DAB2IP: variants seen among roughly 807,000 people sequenced by gnomAD.
The protein encoded by DAB2IP is disabled homolog 2-interacting protein.
A neutral mutation model predicts 107.2 loss-of-function variants in DAB2IP; 28 were observed. The ratio of observed to expected loss-of-function variants is 0.26; its 90% confidence interval spans 0.19 to 0.36. The LOEUF is 0.36. Ranked by LOEUF, DAB2IP falls within the 10% of genes least tolerant of loss-of-function variation. DAB2IP has a pLI of 1.00. For synonymous variants in DAB2IP, 755 were observed against 706.4 expected (o/e 1.07, Z -1.09); for missense variants, 1,400 against 1,644.7 (o/e 0.85, Z 2.57).
At chr9:121,592,674 A>G (rs1258234417) in intron 1 of DAB2IP, among the ~76,000 whole-genome samples, 1 of 152,190 alleles carries the variant, frequency 6.6e-6, no homozygotes, top group Non-Finnish European at 1.5e-5. Context: ...ACCATAAGCA[A>G]TTTGCTATCC....
At chr9:121,686,179 G>A (rs1828869162) in intron 2 of DAB2IP, among the ~76,000 whole-genome samples, 2 of 152,190 alleles carry the variant, frequency 1.3e-5, no homozygotes, top group Admixed American at 1.3e-4. Flanking sequence ...TCAGGAGCCT[G>A]TTCCAACCCC....
intron 1 of DAB2IP, among the ~76,000 whole-genome samples, chr9:121,602,722 C>T: frequency 6.6e-6 from 1 of 151,964 alleles, no homozygotes; most frequent in East Asian, 1.9e-4. Flanking sequence ...ACTACAGGCG[C>T]CCGCCACCAC....
intron 2 of DAB2IP, among the ~76,000 whole-genome samples, chr9:121,679,978 A>T (rs1828498068): frequency 1.3e-5 from 2 of 152,202 alleles, no homozygotes; most frequent in Admixed American, 1.3e-4. Context: ...CAGCTCAGAT[A>T]TCAGCTCCTG....
chr9:121,699,503 G>C lies in DAB2IP; in HGVS notation c.362+45G>C. The C allele has an allele frequency of 8.1e-7, 1 of 1,232,290 alleles. No homozygotes were observed. Among genetic ancestry groups the C allele is most frequent in the Non-Finnish European group, 1.0e-6 (1 of 985,514 alleles). The allele number at this position is 1,232,290 out of a possible 1,614,324, so 76.3% of individuals were successfully genotyped here. On this transcript the variant is annotated intron_variant, in intron 3 of 15. Transcript: ENST00000408936. This position sits in a 1 kb window ranked among gnomAD's most constrained non-coding sequence, Gnocchi z 6.2. ...CCGGTCCCCCGCGCCGCCGCCCCGG[G>C]CTGCGCCCCTGAGGACGCGGGGACA...
chr9:121,676,352 C>T (rs184262367), intron 1 of DAB2IP, among the ~76,000 whole-genome samples: 3 of 152,158 alleles, frequency 2.0e-5, no homozygotes, highest in Non-Finnish European at 4.4e-5. Context: ...TGTGTGTGTG[C>T]GCACGTCCCC....
At chr9:121,711,996 T>G (rs1348237921) in intron 3 of DAB2IP, among the ~76,000 whole-genome samples, 1 of 152,226 alleles carries the variant, frequency 6.6e-6, no homozygotes, top group African/African-American at 2.4e-5. Context: ...TTGCACCGTC[T>G]CCTGAATAAT....
intron 2 of DAB2IP, among the ~76,000 whole-genome samples, chr9:121,690,348 T>C (rs1339171696): frequency 6.6e-6 from 1 of 151,948 alleles, no homozygotes; most frequent in Non-Finnish European, 1.5e-5. Context: ...CAGGCGGAGA[T>C]AGTATAGACC....
chr9:121,641,968 CTCTCTT>C lies in DAB2IP; in HGVS notation c.41-36706_41-36701del, dbSNP rs752983218. On this transcript the variant is annotated intron_variant, in intron 1 of 16. Coordinates refer to the DAB2IP transcript ENST00000259371. ...TTCTTTCCTTTCTTTCTTTCTCTCT[CTCTCTT>C]TCTTTCTTTCTTTCTTTCCTTTCTC... 1.8e-3 allele frequency among the ~76,000 whole-genome samples: 187 copies of C among 101,848 alleles called. 4 individuals carry two copies. Among genetic ancestry groups the C allele is most frequent in the East Asian group, 4.1e-3 (12 of 2,950 alleles). The allele number at this position is 101,848 out of a possible 152,430, so 66.8% of individuals were successfully genotyped here.
At position 121,772,832 on chromosome 9, in the gene DAB2IP, C is replaced by T. The variant is rs34301794; in HGVS notation, c.2304C>T (p.Asp768=). Residue 768 remains aspartate (D), a synonymous_variant, in exon 12 of 16, where the codon GAC becomes GAT. Coordinates refer to ENST00000408936, the Ensembl canonical transcript of DAB2IP. This position sits in a 1 kb window ranked among gnomAD's most constrained non-coding sequence, Gnocchi z 4.7. ...AGGCAGGCTCCCCGGCGGGCCCCGA[C>T]GTCCTCCCCACAGATGGGCAGGCCG... The T allele has an allele frequency of 1.3e-3, 2,093 of 1,604,156 alleles. 22 individuals carry two copies. In the African/African-American group the frequency reaches 0.022, roughly 17 times the overall value.
Position 121,776,475 on chromosome 9 carries a change from C to A in DAB2IP, c.3314+84C>A. The A allele has an allele frequency of 7.2e-7, 1 of 1,385,366 alleles. No homozygotes were observed. Among genetic ancestry groups the A allele is most frequent in the East Asian group, 2.5e-5 (1 of 39,848 alleles). The allele number at this position is 1,385,366 out of a possible 1,614,324, so 85.8% of individuals were successfully genotyped here. A position where few individuals can be genotyped will look rare whatever the true frequency, so the allele number is the denominator to read the frequency against. On this transcript the variant is annotated intron_variant, in intron 14 of 15. Coordinates refer to ENST00000408936, the Ensembl canonical transcript of DAB2IP. The surrounding 1 kb of genome is among the most constrained non-coding windows in gnomAD (Gnocchi z 5.4). The stretch of plus-strand genomic sequence containing the variant: ...TTCGAGGAGGCCCCTGGTCGGGGAG[C>A]CTCCTCAAAGGATAAGCTGAATGTG...
chr9:121,614,758 G>C (rs1261452220), intron 1 of DAB2IP, among the ~76,000 whole-genome samples: 2 of 143,916 alleles, frequency 1.4e-5, no homozygotes, highest in Non-Finnish European at 3.0e-5. Context: ...TTTTGAGATG[G>C]AGTCTTGCTC....
chr9:121,579,599 A>G (rs1830145773), intron 1 of DAB2IP, among the ~76,000 whole-genome samples: 1 of 151,656 alleles, frequency 6.6e-6, no homozygotes, highest in South Asian at 2.1e-4. Context: ...CCTCCCTAAC[A>G]TAGGCTCAAT....
At chr9:121,589,139 G>C (rs1192952533) in intron 1 of DAB2IP, among the ~76,000 whole-genome samples, 1 of 152,110 alleles carries the variant, frequency 6.6e-6, no homozygotes, top group East Asian at 1.9e-4. Context: ...GATCGGATCT[G>C]TGCTTTGAAA....
At chr9:121,734,944 G>T (rs1187038042) in intron 3 of DAB2IP, among the ~76,000 whole-genome samples, 1 of 152,212 alleles carries the variant, frequency 6.6e-6, no homozygotes, top group Non-Finnish European at 1.5e-5. Flanking sequence ...ACCCTGGAGG[G>T]AGGTGGTGCT....
At chr9:121,589,981 TTCC>T (rs1830393785) in intron 1 of DAB2IP, among the ~76,000 whole-genome samples, 1 of 90,532 alleles carries the variant, frequency 1.1e-5, no homozygotes. Flanking sequence ...TTCCCTTCCC[TTCC>T]CTTCCTGGGG....
intron 1 of DAB2IP, among the ~76,000 whole-genome samples, chr9:121,617,183 G>A (rs531868132): frequency 2.6e-4 from 39 of 152,272 alleles, no homozygotes; most frequent in African/African-American, 9.4e-4. Flanking sequence ...AAATTAGCCA[G>A]GCATGGTGGC....
rs1199705794 is a variant in DAB2IP at position 121,772,078 on chromosome 9, C to T, written c.2079-529C>T. 6.6e-6 allele frequency among the ~76,000 whole-genome samples: 1 copy of T among 152,196 alleles called. No individual in the cohort carries two copies. Among genetic ancestry groups the T allele is most frequent in the Non-Finnish European group, 1.5e-5 (1 of 68,036 alleles). ...CATTCCTTGTTTTTGCCAGGAACTC[C>T]AGCCCCCGCCTGCCAGTCAAACAAG... On this transcript the variant is annotated intron_variant, in intron 11 of 15. Coordinates refer to ENST00000408936, the Ensembl canonical transcript of DAB2IP. This position sits in a 1 kb window ranked among gnomAD's most constrained non-coding sequence, Gnocchi z 4.7.
At chr9:121,704,631 T>C (rs1198104833) in intron 3 of DAB2IP, among the ~76,000 whole-genome samples, 1 of 152,172 alleles carries the variant, frequency 6.6e-6, no homozygotes, top group Non-Finnish European at 1.5e-5. Flanking sequence ...AAGGAATTCA[T>C]TAATTACCTG....
In DAB2IP at chr9:121,641,905, CTTTCTTTCTT is replaced by C. The variant is rs1454471132; in HGVS notation, c.41-36771_41-36762del. Among the ~76,000 whole-genome samples the C allele has an allele frequency of 1.1e-4, 13 of 119,312 alleles. 1 individual carries two copies. The highest frequency in any genetic ancestry group is 4.4e-4 in the African/African-American group (12 of 27,018). 78.3% of individuals were successfully genotyped at this position (119,312 alleles called of 152,430 possible). On this transcript the variant is annotated intron_variant, in intron 1 of 16. Coordinates refer to the DAB2IP transcript ENST00000259371. ...TCCATTTCTTTCCCTTTCTTTCTTT[CTTTCTTTCTT>C]TCTTTCTTTCTTTCTTTCTTTCTCT...
Sources: allele counts gnomAD v4.1 joint callset (sites outside exome capture counted in the v4.1 genomes callset), GRCh38; gene constraint gnomAD v4.1.1; non-coding constraint Gnocchi (gnomAD v3.1); transcripts MANE v1.5; gene names NCBI Gene and HGNC (gene_info 2026-07-23, HGNC 2026-07-21).